SLC26A8: variants seen among roughly 807,000 people sequenced by gnomAD.
SLC26A8 encodes the protein testis anion transporter 1.
A neutral mutation model predicts 105.0 loss-of-function variants in SLC26A8; 70 were observed. That is an observed-to-expected ratio of 0.67 (90% CI 0.55 to 0.81). The LOEUF (loss-of-function observed/expected upper bound fraction) is 0.81, where lower values mean the gene tolerates loss of function less well. Ranked by LOEUF, SLC26A8 falls within the 40% of genes least tolerant of loss-of-function variation. SLC26A8 has a pLI of 0.00. For synonymous variants in SLC26A8, 415 were observed against 438.3 expected (o/e 0.95, Z 0.66); for missense variants, 998 against 1,181.8 (o/e 0.84, Z 2.28).
intron 5 of SLC26A8, among the ~76,000 whole-genome samples, chr6:35,994,413 C>T (rs549173962): frequency 2.0e-5 from 3 of 152,084 alleles, no homozygotes; most frequent in South Asian, 2.1e-4. Context: ...TGCGCCCTGC[C>T]AACTGTCTCT....
intron 3 of SLC26A8, 63 bp from the exon 4 acceptor site, chr6:36,000,171 T>A (rs1394770006): frequency 1.9e-6 from 2 of 1,042,122 alleles, no homozygotes; most frequent in Non-Finnish European, 3.0e-6. Flanking sequence ...AAATAAAAAC[T>A]GTAAAGAATA....
rs1025825963 is a variant in SLC26A8, at chr6:35,955,296, T to C, written c.2088A>G (p.Gly696=). 3 of 1,614,206 alleles carry C rather than the reference T, an allele frequency of 1.9e-6. No individual in the cohort carries two copies. The highest frequency in any genetic ancestry group is 2.5e-6 in the Non-Finnish European group (3 of 1,180,034). The part of the protein sequence containing the change: ...PNNSSRNSSP[G]LPDVAESQGR... Reference sequence around the variant, plus strand: ...CCTGGCTTTCCGCCACATCAGGCAGTCCTGGTGAGCTGTTTCTTGATGAGT... The same window carrying C: ...CCTGGCTTTCCGCCACATCAGGCAGCCCTGGTGAGCTGTTTCTTGATGAGT... Residue 696 remains glycine (G), a synonymous_variant, in exon 17 of 20, where the codon GGA becomes GGG. Coordinates refer to ENST00000490799, the MANE Select transcript of SLC26A8 (RefSeq NM_052961.4).
chr6:35,957,341 T>A (rs970355661), intron 16 of SLC26A8, among the ~76,000 whole-genome samples: 1 of 151,202 alleles, frequency 6.6e-6, no homozygotes, highest in African/African-American at 2.4e-5. Context: ...TTTTTTTTTT[T>A]AATGTTATTC....
chr6:36,011,277 C>T (rs1761849522), intron 3 of SLC26A8, among the ~76,000 whole-genome samples: 1 of 152,080 alleles, frequency 6.6e-6, no homozygotes, highest in Non-Finnish European at 1.5e-5. Flanking sequence ...AAAAATGAAC[C>T]CAAATAGTAT....
intron 19 of SLC26A8, among the ~76,000 whole-genome samples, chr6:35,947,279 C>T (rs938491497): frequency 7.9e-5 from 12 of 152,068 alleles, no homozygotes; most frequent in Non-Finnish European, 1.8e-4. Context: ...GATCCGCCTT[C>T]CTTGGCCTCC....
At chr6:35,962,140 C>G (rs1166152299) in intron 12 of SLC26A8, among the ~76,000 whole-genome samples, 2 of 151,588 alleles carry the variant, frequency 1.3e-5, no homozygotes, top group Non-Finnish European at 2.9e-5. Context: ...GCAGGAGAAT[C>G]ACTTGAACCC....
At chr6:36,008,997 C>T (rs1761769976) in intron 3 of SLC26A8, among the ~76,000 whole-genome samples, 1 of 152,164 alleles carries the variant, frequency 6.6e-6, no homozygotes, top group Non-Finnish European at 1.5e-5. Context: ...TATACTCCAG[C>T]AATGTACTAC....
chr6:35,969,139 A>G, intron 10 of SLC26A8, 185 bp from the exon 11 acceptor site: 1 of 571,578 alleles, frequency 1.7e-6, no homozygotes, highest in South Asian at 2.0e-5. Context: ...CATACTAGGT[A>G]CTCAATAAAT....
Position 35,947,452 on chromosome 6 carries a change from A to G in SLC26A8, c.2473-3112T>C, listed in dbSNP as rs556465807. On this transcript the variant is annotated intron_variant, in intron 19 of 19. Transcript: ENST00000490799. ...ATGCAATAATATATGATATTGAAAT[A>G]AGAATTCTAACAATTGGAACATAAG... Among the ~76,000 whole-genome samples the G allele has an allele frequency of 7.8e-4, 119 of 152,366 alleles. 1 individual carries two copies. The highest frequency in any genetic ancestry group is 2.5e-3 in the African/African-American group (102 of 41,588).
intron 12 of SLC26A8, 127 bp from the exon 13 acceptor site, chr6:35,961,226 C>G: frequency 1.4e-6 from 1 of 717,718 alleles, no homozygotes; most frequent in East Asian, 2.7e-5. Flanking sequence ...GGAAATATTC[C>G]ATAGCCACAT....
rs755368906 is a variant in SLC26A8 at position 36,019,727 on chromosome 6, G to C, written c.-2-18C>G. 1.3e-6 allele frequency: 2 copies of C among 1,585,912 alleles called. No individual in the cohort carries two copies. The highest frequency in any genetic ancestry group is 2.3e-5 in the South Asian group (2 of 87,136). On this transcript the variant is annotated intron_variant, in intron 1 of 19. Transcript: ENST00000490799. ...TGCCATTCCTGGATGAGTGGAAAGA[G>C]AGCAAATAAAAGAGCATTTTCAGTA...
chr6:35,984,118 G>T (rs1347563704), intron 7 of SLC26A8, among the ~76,000 whole-genome samples: 1 of 152,026 alleles, frequency 6.6e-6, no homozygotes, highest in Non-Finnish European at 1.5e-5. Context: ...GTAGTGTGTT[G>T]CAGGCTTCAA....
intron 7 of SLC26A8, among the ~76,000 whole-genome samples, chr6:35,989,180 C>T (rs899726101): frequency 6.6e-6 from 1 of 152,092 alleles, no homozygotes; most frequent in Non-Finnish European, 1.5e-5. Context: ...CAGGTAACTG[C>T]CACCCTAACT....
chr6:35,991,095 G>A lies in SLC26A8; in HGVS notation c.942+564C>T, dbSNP rs574838318. Among the ~76,000 whole-genome samples, 40 of 152,134 alleles carry A rather than the reference G, an allele frequency of 2.6e-4. 2 individuals carry two copies. The South Asian group carries it at 8.1e-3, about 31-fold the overall frequency. ...ATAACTGCTGCTAGGGCTGCAAGGCGAAAACAATTAAAAATGATAATTAGG... is the reference window on the plus strand; with the variant it reads ...ATAACTGCTGCTAGGGCTGCAAGGCAAAAACAATTAAAAATGATAATTAGG... On this transcript the variant is annotated intron_variant, in intron 7 of 19. Coordinates refer to ENST00000490799, the MANE Select transcript of SLC26A8 (RefSeq NM_052961.4).
chr6:35,969,275 C>T, intron 10 of SLC26A8: 1 of 287,650 alleles, frequency 3.5e-6, no homozygotes, highest in Non-Finnish European at 6.8e-6. Flanking sequence ...GCATCTCCTC[C>T]TAAGTTTAAC....
rs535880006 is a variant in SLC26A8 at position 35,956,361 on chromosome 6, G to A, written c.1864-841C>T. 5.2e-4 allele frequency among the ~76,000 whole-genome samples: 78 copies of A among 148,622 alleles called. No homozygotes were observed. The South Asian group carries it at 0.015, about 29-fold the overall frequency. On this transcript the variant is annotated intron_variant, in intron 16 of 19. Transcript: ENST00000490799. ...GAGGATCGCTTGAAGCTGGGAGGTT[G>A]AGGCTGCAGTGAGCTGTGACCACAC...
chr6:35,947,607 C>T (rs1264520057), intron 19 of SLC26A8, among the ~76,000 whole-genome samples: 2 of 152,176 alleles, frequency 1.3e-5, no homozygotes, highest in Middle Eastern at 3.4e-3. Flanking sequence ...CAATGAGTTT[C>T]CTATATGTTA....
chr6:35,983,443 T>C (rs1051020542), intron 7 of SLC26A8, among the ~76,000 whole-genome samples: 2 of 152,224 alleles, frequency 1.3e-5, no homozygotes, highest in Non-Finnish European at 2.9e-5. Flanking sequence ...ATTATGAACA[T>C]ATGTATAATT....
At chr6:36,001,361 C>T (rs1761517412) in intron 3 of SLC26A8, among the ~76,000 whole-genome samples, 1 of 152,162 alleles carries the variant, frequency 6.6e-6, no homozygotes, top group Non-Finnish European at 1.5e-5. Flanking sequence ...ATCTCCTGAC[C>T]TCGTGATCCA....
Sources: allele counts gnomAD v4.1 joint callset (sites outside exome capture counted in the v4.1 genomes callset), GRCh38; gene constraint gnomAD v4.1.1; transcripts MANE v1.5; gene names NCBI Gene and HGNC (gene_info 2026-07-23, HGNC 2026-07-21).